ZNF862: variants seen among roughly 807,000 people sequenced by gnomAD.
ZNF862 encodes zinc finger protein 862.
In ZNF862, 64 loss-of-function variants were observed where a neutral mutation model predicts 91.1. The observed-to-expected ratio is 0.70, with a 90% confidence interval of 0.57 to 0.87. The LOEUF is 0.87. Ranked by LOEUF, ZNF862 falls within the 40% of genes least tolerant of loss-of-function variation. The probability of loss-of-function intolerance (pLI) is 0.00; values close to 1 mark genes in which losing one functional copy is unlikely to be tolerated. For missense variants in ZNF862, 1,459 were observed against 1,528.0 expected (o/e 0.95, Z 0.75); for synonymous variants, 631 against 618.1 (o/e 1.02, Z -0.31).
chr7:149,848,230 G>T lies in ZNF862; in HGVS notation c.737G>T (p.Gly246Val). Residue 246 changes from glycine (G) to valine (V), a missense_variant, in exon 4 of 8, where the codon GGG (glycine) becomes GTG (valine). Gly to Val is a moderately radical substitution (Grantham distance 109, BLOSUM62 -3). Transcript: ENST00000223210. ...TADCPIFYPP[G>V]PLGGFDSMAE... Reference sequence around the variant, plus strand: ...GATTGCCCCATATTCTACCCCCCAGGGCCTCTGGGAGGATTTGATAGCATG... The same window carrying T: ...GATTGCCCCATATTCTACCCCCCAGTGCCTCTGGGAGGATTTGATAGCATG... 6.2e-7 allele frequency: 1 copy of T among 1,613,762 alleles called. No individual in the cohort carries two copies. Among genetic ancestry groups the T allele is most frequent in the Non-Finnish European group, 8.5e-7 (1 of 1,179,792 alleles).
chr7:149,861,608 G>A lies in ZNF862; in HGVS notation c.2448G>A (p.Glu816=), dbSNP rs745406583. The A allele has an allele frequency of 6.9e-6, 11 of 1,601,536 alleles. No homozygotes were observed. The highest frequency in any genetic ancestry group is 9.4e-6 in the Non-Finnish European group (11 of 1,176,192). ...ALARHLQRVA[E]AGGQIGHRAK... is the part of the protein sequence containing the mutation. Reference sequence around the variant, plus strand: ...CCAGGCACCTCCAGAGGGTGGCAGAGGCTGGGGGCCAGATTGGGCACCGGG... The same window carrying A: ...CCAGGCACCTCCAGAGGGTGGCAGAAGCTGGGGGCCAGATTGGGCACCGGG... Residue 816 remains glutamate (E), a synonymous_variant, in exon 7 of 8, where the codon GAG becomes GAA. Coordinates refer to ENST00000223210, the MANE Select transcript of ZNF862 (RefSeq NM_001099220.3). This position sits in a 1 kb window ranked among gnomAD's most constrained non-coding sequence, Gnocchi z 6.7.
chr7:149,848,644 T>C (rs1018094450), intron 4 of ZNF862, among the ~76,000 whole-genome samples: 1 of 152,206 alleles, frequency 6.6e-6, no homozygotes, highest in African/African-American at 2.4e-5. Flanking sequence ...AACAACCCTA[T>C]TATCATCTCC....
rs1802469715 is a variant in ZNF862, at chr7:149,861,114, G to A, written c.1954G>A (p.Val652Met). ...CATCCGCTACTTCAAGCAGATGGAG[G>A]TGAAAGAGTCCTACATCACTCTGGC... ...IYIRYFKQME[V>M]KESYITLAPL... The change falls in exon 7 of 8, where the codon GTG (valine) becomes ATG (methionine). Residue 652 changes from valine (V) to methionine (M), a missense_variant. By Grantham distance (21) the Val-to-Met change is conservative. Transcript: ENST00000223210. The surrounding 1 kb of genome is among the most constrained non-coding windows in gnomAD (Gnocchi z 6.7). The A allele has an allele frequency of 6.2e-7, 1 of 1,613,028 alleles. No homozygotes were observed. The highest frequency in any genetic ancestry group is 8.5e-7 in the Non-Finnish European group (1 of 1,179,868).
chr7:149,846,592 CTGAA>C (rs3832503), intron 3 of ZNF862, among the ~76,000 whole-genome samples: 13 of 151,718 alleles, frequency 8.6e-5, no homozygotes, highest in East Asian at 3.9e-4. Flanking sequence ...TAGATAATCA[CTGAA>C]TGAATGAATG....
chr7:149,840,187 T>TAAAAAAA (rs60721842), intron 1 of ZNF862, among the ~76,000 whole-genome samples: 312 of 41,288 alleles, frequency 7.6e-3, no homozygotes, highest in East Asian at 0.014. Context: ...GCTTAAAAAG[T>TAAAAAAA]AAAAAAAAAA....
intron 1 of ZNF862, 67 bp from the exon 2 acceptor site, chr7:149,844,558 A>G (rs1801807921): frequency 4.0e-6 from 5 of 1,236,234 alleles, no homozygotes; most frequent in African/African-American, 3.0e-5. Context: ...TCAGGTGGTC[A>G]GGAACACTTT....
At chr7:149,840,915 A>T in intron 1 of ZNF862, 1 of 984,986 alleles carries the variant, frequency 1.0e-6, no homozygotes, top group Non-Finnish European at 1.2e-6. Flanking sequence ...GCAACACATG[A>T]CTGTACAAAC....
Position 149,848,029 on chromosome 7 carries a change from A to G in ZNF862, c.536A>G (p.Glu179Gly). 2 of 1,613,878 alleles carry G rather than the reference A, an allele frequency of 1.2e-6. No homozygotes were observed. Among genetic ancestry groups the G allele is most frequent in the Non-Finnish European group, 1.7e-6 (2 of 1,179,848 alleles). ...SIRDKRSRLI[E>G]GYTGPFKVET... The stretch of plus-strand genomic sequence containing the variant: ...AGGGACAAACGGTCAAGACTAATAG[A>G]AGGTTATACAGGACCATTCAAGGTG... The change falls in exon 4 of 8, where the codon GAA (glutamate) becomes GGA (glycine). Residue 179 changes from glutamate (E) to glycine (G), a missense_variant. Glu to Gly is a moderately conservative substitution (Grantham distance 98, BLOSUM62 -2). Transcript: ENST00000223210.
chr7:149,856,521 C>G (rs759443584), intron 5 of ZNF862, among the ~76,000 whole-genome samples: 1 of 152,124 alleles, frequency 6.6e-6, no homozygotes, highest in Non-Finnish European at 1.5e-5. Context: ...TTTCATTTTT[C>G]TCACTTTCTT....
At chr7:149,839,766 G>A (rs3088250) in intron 1 of ZNF862, among the ~76,000 whole-genome samples, 69,083 of 151,896 alleles carry the variant, frequency 0.45, 16,716 homozygotes, top group African/African-American at 0.63. Context: ...TACAGAGTAC[G>A]TGGTCCAAGC....
intron 1 of ZNF862, among the ~76,000 whole-genome samples, chr7:149,844,149 C>T (rs759300899): frequency 1.1e-4 from 17 of 152,302 alleles, no homozygotes; most frequent in Admixed American, 3.3e-4. Flanking sequence ...ACAAGCCACA[C>T]GGGATGTAGA....
intron 4 of ZNF862, among the ~76,000 whole-genome samples, chr7:149,848,780 C>T (rs1056713761): frequency 1.8e-4 from 28 of 152,148 alleles, no homozygotes; most frequent in African/African-American, 6.5e-4. Context: ...CACAAAATCA[C>T]AGAGCTCTTA....
At chr7:149,859,254 C>T (rs1478389658) in intron 5 of ZNF862, 168 bp from the exon 6 acceptor site, 4 of 662,258 alleles carry the variant, frequency 6.0e-6, no homozygotes, top group Non-Finnish European at 1.1e-5. Flanking sequence ...CCCTTACTGC[C>T]TCTTTGGCAC....
rs1197893927 is a variant in ZNF862 at position 149,847,957 on chromosome 7, A to T, written c.464A>T (p.Glu155Val). The T allele has an allele frequency of 6.2e-7, 1 of 1,609,298 alleles. No individual in the cohort carries two copies. The highest frequency in any genetic ancestry group is 1.7e-5 in the Admixed American group (1 of 59,184). Residue 155 changes from glutamate to valine, a missense_variant, in exon 4 of 8, where the codon GAG (glutamate) becomes GTG (valine). Physicochemically the swap from Glu to Val is moderately radical, Grantham distance 121. Coordinates refer to ENST00000223210, the MANE Select transcript of ZNF862 (RefSeq NM_001099220.3). ...VQFPWLIMNE[E>V]QTALFCSACR... ...TTTCCGTGGCTGATCATGAATGAGG[A>T]GCAGACGGCTCTGTTCTGCTCTGCT...
intron 6 of ZNF862, 131 bp downstream of exon 6, chr7:149,859,657 C>T (rs1430941109): frequency 1.4e-6 from 1 of 715,002 alleles, no homozygotes; most frequent in East Asian, 2.7e-5. Context: ...GCAGGAGGCC[C>T]TGGGTAGACA....
In ZNF862 at chr7:149,850,172, A is replaced by G. The variant is rs1458301410; in HGVS notation, c.951A>G (p.Ala317=). Residue 317 remains alanine (A), a synonymous_variant, in exon 5 of 8, where the codon GCA becomes GCG. Coordinates refer to ENST00000223210, the MANE Select transcript of ZNF862 (RefSeq NM_001099220.3). The surrounding 1 kb of genome is among the most constrained non-coding windows in gnomAD (Gnocchi z 4.2). ...GCTCTTTGTTCCAGGACCCTTCTGC[A>G]GAGGGGCTGTCGGAGGAGGTTCCTG... The part of the protein sequence containing the change: ...AVESCIQDPS[A]EGLSEEVPVV... 1 of 1,569,106 alleles carries G rather than the reference A, an allele frequency of 6.4e-7. No individual in the cohort carries two copies. Among genetic ancestry groups the G allele is most frequent in the Non-Finnish European group, 8.6e-7 (1 of 1,157,558 alleles).
chr7:149,864,346 C>T lies in ZNF862; in HGVS notation c.*62C>T. ...TCTGTGATCACTGGGACAGGCTCTGCAGATTCTAGGCTGCCCTAGGATCTT... is the reference window on the plus strand; with the variant it reads ...TCTGTGATCACTGGGACAGGCTCTGTAGATTCTAGGCTGCCCTAGGATCTT... On this transcript the variant is annotated 3_prime_UTR_variant, in exon 8 of 8. Transcript: ENST00000223210. The T allele has an allele frequency of 2.0e-6, 3 of 1,495,794 alleles. No homozygotes were observed. In the South Asian group the frequency reaches 3.9e-5, roughly 19 times the overall value. The allele number at this position is 1,495,794 out of a possible 1,614,324, so 92.7% of individuals were successfully genotyped here.
Position 149,864,530 on chromosome 7 carries a change from C to T in ZNF862, c.*246C>T, listed in dbSNP as rs1802647331. 4.2e-6 allele frequency: 2 copies of T among 480,908 alleles called. No individual in the cohort carries two copies. The highest frequency in any genetic ancestry group is 1.9e-5 in the African/African-American group (1 of 51,638). 29.8% of individuals were successfully genotyped at this position (480,908 alleles called of 1,614,324 possible). On this transcript the variant is annotated 3_prime_UTR_variant, in exon 8 of 8. Transcript: ENST00000223210. ...GCCAGAAGGTTCTATATCTCAAGTT[C>T]ATTTTTAAGGTGCTGCAGAAAATAA... is the stretch of plus-strand genomic sequence containing the variant.
At position 149,848,134 on chromosome 7, in the gene ZNF862, C is replaced by A. The variant is rs529508252; in HGVS notation, c.641C>A (p.Ala214Glu). Reference protein sequence around the residue: ...NALAARDPIWAARFRSIRDPP... With the variant: ...NALAARDPIWEARFRSIRDPP... ...TTGGCAGCGAGGGACCCCATCTGGG[C>A]AGCCCGGTTCCGGAGCATCAGAGAC... Residue 214 changes from alanine (A) to glutamate (E), a missense_variant, in exon 4 of 8, where the codon GCA (alanine) becomes GAA (glutamate). Transcript: ENST00000223210. 2 of 1,614,068 alleles carry A rather than the reference C, an allele frequency of 1.2e-6. No individual in the cohort carries two copies. The highest frequency in any genetic ancestry group is 2.2e-5 in the East Asian group (1 of 44,890).
Sources: allele counts gnomAD v4.1 joint callset (sites outside exome capture counted in the v4.1 genomes callset), GRCh38; gene constraint gnomAD v4.1.1; non-coding constraint Gnocchi (gnomAD v3.1); transcripts MANE v1.5; gene names NCBI Gene and HGNC (gene_info 2026-07-23, HGNC 2026-07-21).